KATNA1: variants seen among roughly 807,000 people sequenced by gnomAD.
The protein encoded by KATNA1 is katanin p60 ATPase-containing subunit A1.
A neutral mutation model predicts 62.6 loss-of-function variants in KATNA1; 42 were observed. The ratio of observed to expected loss-of-function variants is 0.67; its 90% CI spans 0.52 to 0.87. The LOEUF is 0.87. Ranked by LOEUF, KATNA1 falls within the 40% of genes least tolerant of loss-of-function variation. The probability of loss-of-function intolerance (pLI) is 0.00; values close to 1 mark genes in which losing one functional copy is unlikely to be tolerated. For synonymous variants in KATNA1, 186 were observed against 201.9 expected (o/e 0.92, Z 0.67); for missense variants, 498 against 612.5 (o/e 0.81, Z 1.97).
chr6:149,611,743 T>C (rs1562285952), intron 4 of KATNA1, among the ~76,000 whole-genome samples: 1 of 152,178 alleles, frequency 6.6e-6, no homozygotes, highest in Non-Finnish European at 1.5e-5. Flanking sequence ...CTTATGCCTG[T>C]AATCCCAGCA....
chr6:149,638,883 C>T (rs1377396999), intron 1 of KATNA1, among the ~76,000 whole-genome samples: 1 of 151,454 alleles, frequency 6.6e-6, no homozygotes, highest in Non-Finnish European at 1.5e-5. Context: ...ATTACAGGCA[C>T]CCACCGCCAT....
Position 149,632,790 on chromosome 6 carries a change from C to T in KATNA1, c.289G>A (p.Val97Ile), listed in dbSNP as rs753323056. The change falls in exon 3 of 11, where the codon GTC (valine) becomes ATC (isoleucine). Residue 97 changes from valine to isoleucine, a missense_variant. Physicochemically the swap from Val to Ile is conservative, Grantham distance 29 (BLOSUM62 3). Transcript: ENST00000367411. ...TCAACAGGTACAGGCATGGACCAGA[C>T]TTCTCCCTCAGAAGCTGGAAGGTCA... is the stretch of plus-strand genomic sequence containing the variant. ...QHDLPASEGE[V>I]WSMPVPVERR... 6.8e-6 allele frequency: 11 copies of T among 1,613,588 alleles called. No individual in the cohort carries two copies. The East Asian group carries it at 2.5e-4, about 36-fold the overall frequency.
At chr6:149,606,793 T>C (rs1160318418) in intron 4 of KATNA1, among the ~76,000 whole-genome samples, 4 of 152,100 alleles carry the variant, frequency 2.6e-5, no homozygotes, top group Non-Finnish European at 5.9e-5. Context: ...TAACTTTTTA[T>C]ATTTTTAGTA....
In KATNA1 at chr6:149,632,750, T is replaced by G; in HGVS notation, c.320+9A>C. ...GGGATAACTGGTTTCTTAAAAGGTT[T>G]CCACTTACCTTCGTTCAACAGGTAC... On this transcript the variant is annotated intron_variant, in intron 3 of 10. Transcript: ENST00000367411. 6.3e-7 allele frequency: 1 copy of G among 1,597,374 alleles called. No individual in the cohort carries two copies. The highest frequency in any genetic ancestry group is 8.5e-7 in the Non-Finnish European group (1 of 1,175,824).
chr6:149,634,000 C>T (rs894260860), intron 2 of KATNA1, among the ~76,000 whole-genome samples: 2 of 151,402 alleles, frequency 1.3e-5, no homozygotes, highest in Admixed American at 1.3e-4. Context: ...AGGCCAGGCG[C>T]GGTGGCTCAC....
Position 149,598,319 on chromosome 6 carries a change from A to T in KATNA1, c.920T>A (p.Ile307Asn). The change falls in exon 8 of 11, where the codon ATT becomes AAT. Residue 307 changes from isoleucine to asparagine, a missense_variant. Coordinates refer to ENST00000367411, the MANE Select transcript of KATNA1 (RefSeq NM_007044.4). Reference sequence around the variant, plus strand: ...ACTACAGATGGAGTCTATCTCATCAATAAATATGGTGGCTGGAGAATAAAA... The same window carrying T: ...ACTACAGATGGAGTCTATCTCATCATTAAATATGGTGGCTGGAGAATAAAA... ...ARFYSPATIF[I>N]DEIDSICSRR... The T allele has an allele frequency of 6.2e-7, 1 of 1,613,944 alleles. No homozygotes were observed. The highest frequency in any genetic ancestry group is 8.5e-7 in the Non-Finnish European group (1 of 1,179,922).
rs747566712 is a variant in KATNA1, at chr6:149,621,496, ATT to A, written c.501+1605_501+1606del. On this transcript the variant is annotated intron_variant, in intron 4 of 10. Transcript: ENST00000367411. Reference sequence around the variant, plus strand: ...ATGGTATGCCTGCCAAAAATGAATAATTTTTTTTTTTTTTGAGACTGAGTCTC... The same window carrying A: ...ATGGTATGCCTGCCAAAAATGAATAATTTTTTTTTTTTGAGACTGAGTCTC... 3.9e-3 allele frequency among the ~76,000 whole-genome samples: 538 copies of A among 138,174 alleles called. 3 individuals are homozygous for A. Among genetic ancestry groups the A allele is most frequent in the African/African-American group, 0.013 (510 of 37,988 alleles). 90.6% of individuals were successfully genotyped at this position (138,174 alleles called of 152,430 possible).
intron 6 of KATNA1, among the ~76,000 whole-genome samples, chr6:149,602,292 G>A (rs940918105): frequency 8.5e-5 from 13 of 152,146 alleles, no homozygotes; most frequent in East Asian, 3.8e-4. Context: ...AATTCAACCC[G>A]TTAGGCGGAG....
chr6:149,616,910 T>C (rs1391616963), intron 4 of KATNA1, among the ~76,000 whole-genome samples: 1 of 152,136 alleles, frequency 6.6e-6, no homozygotes, highest in Non-Finnish European at 1.5e-5. Flanking sequence ...GCAACCCAAG[T>C]GTACATCAAC....
rs529815178 is a variant in KATNA1, at chr6:149,643,062, G to A, written c.-13-4502C>T. Among the ~76,000 whole-genome samples, 5 of 152,222 alleles carry A rather than the reference G, an allele frequency of 3.3e-5. 1 individual carries two copies. In the South Asian group the frequency reaches 8.3e-4, roughly 25 times the overall value. On this transcript the variant is annotated intron_variant, in intron 1 of 10. Coordinates refer to ENST00000367411, the MANE Select transcript of KATNA1 (RefSeq NM_007044.4). ...GCATCTTGCTTGCTGTCTCTTGCTG[G>A]CCCCACTCAAATGGAATACCAGCTC...
intron 3 of KATNA1, among the ~76,000 whole-genome samples, chr6:149,632,367 C>G (rs1779878280): frequency 7.8e-6 from 1 of 128,044 alleles, no homozygotes; most frequent in Admixed American, 9.1e-5. Context: ...GAGTGAGACT[C>G]TGTCTAAAAA....
intron 3 of KATNA1, among the ~76,000 whole-genome samples, chr6:149,627,591 T>C (rs1436050796): frequency 6.7e-6 from 1 of 149,108 alleles, no homozygotes; most frequent in Non-Finnish European, 1.5e-5. Flanking sequence ...GCTGAGGCAT[T>C]AGAATTGCCT....
chr6:149,613,571 A>G (rs1190063594), intron 4 of KATNA1, among the ~76,000 whole-genome samples: 1 of 152,180 alleles, frequency 6.6e-6, no homozygotes, highest in Non-Finnish European at 1.5e-5. Context: ...AGGATCGTGG[A>G]AGACTGACAG....
chr6:149,638,640 C>G (rs1780157119), intron 1 of KATNA1, 80 bp from the exon 2 acceptor site: 1 of 939,906 alleles, frequency 1.1e-6, no homozygotes, highest in South Asian at 1.7e-5. Context: ...AAAATACTTT[C>G]CAGGGCTCCC....
chr6:149,617,196 A>C (rs1644275895), intron 4 of KATNA1, among the ~76,000 whole-genome samples: 1 of 152,228 alleles, frequency 6.6e-6, no homozygotes, highest in Non-Finnish European at 1.5e-5. Flanking sequence ...GTAGTGTTTC[A>C]GTTCTGAAAA....
intron 1 of KATNA1, among the ~76,000 whole-genome samples, chr6:149,639,407 T>C (rs1780199157): frequency 6.6e-6 from 1 of 151,898 alleles, no homozygotes; most frequent in Non-Finnish European, 1.5e-5. Context: ...AAGACCATCC[T>C]GGCCAACATG....
intron 4 of KATNA1, among the ~76,000 whole-genome samples, chr6:149,617,732 C>T (rs917109160): frequency 5.3e-5 from 8 of 151,940 alleles, no homozygotes; most frequent in South Asian, 2.1e-4. Context: ...GTCAGGAGTT[C>T]GAAACCAGCC....
chr6:149,635,606 G>C (rs1201099854), intron 2 of KATNA1, among the ~76,000 whole-genome samples: 4 of 152,106 alleles, frequency 2.6e-5, no homozygotes, highest in Non-Finnish European at 5.9e-5. Context: ...CTACTCGGGA[G>C]GCTGAGGCAG....
chr6:149,637,657 T>C (rs561731319), intron 2 of KATNA1, among the ~76,000 whole-genome samples: 1 of 152,042 alleles, frequency 6.6e-6, no homozygotes, highest in East Asian at 1.9e-4. Flanking sequence ...TGAAAGCCCG[T>C]CTCTACCAAA....
Sources: allele counts gnomAD v4.1 joint callset (sites outside exome capture counted in the v4.1 genomes callset), GRCh38; gene constraint gnomAD v4.1.1; transcripts MANE v1.5; gene names NCBI Gene and HGNC (gene_info 2026-07-23, HGNC 2026-07-21).